The following CNTNAP2 variants were observed in gnomAD, a reference collection of about 807,000 sequenced individuals.
CNTNAP2 encodes contactin associated protein 2.
In CNTNAP2, 98 loss-of-function variants were observed where a neutral mutation model predicts 155.2. The observed-to-expected ratio is 0.63, with a 90% CI of 0.54 to 0.75. The LOEUF (loss-of-function observed/expected upper bound fraction) is 0.75, where lower values mean the gene tolerates loss of function less well. Among genes scored for constraint, CNTNAP2 ranks in the 30% least tolerant of loss-of-function variants. The probability of loss-of-function intolerance (pLI) is 0.00; values close to 1 mark genes in which losing one functional copy is unlikely to be tolerated. For missense variants in CNTNAP2, 1,727 were observed against 1,688.1 expected, an observed-to-expected ratio of 1.02 and a Z score of -0.40; for synonymous variants, 651 against 631.2, an observed-to-expected ratio of 1.03 and a Z score of -0.47.
intron 1 of CNTNAP2, among the ~76,000 whole-genome samples, chr7:146,449,189 C>G (rs1199224284): frequency 6.6e-6 from 1 of 151,792 alleles, no homozygotes. Flanking sequence ...TTCTTTATAT[C>G]TTCTATTTCT....
chr7:147,154,828 T>TATAG (rs142590069), intron 8 of CNTNAP2, among the ~76,000 whole-genome samples: 2,422 of 152,144 alleles, frequency 0.016, 24 homozygotes, highest in South Asian at 0.041. Flanking sequence ...ATTTCTCTGA[T>TATAG]ATAGTTTCTG....
intron 3 of CNTNAP2, among the ~76,000 whole-genome samples, chr7:146,881,755 A>AC (rs1554404228): frequency 8.1e-6 from 1 of 123,718 alleles, no homozygotes; most frequent in African/African-American, 3.1e-5. Flanking sequence ...GATCCCTATA[A>AC]TTTTTTTTTT....
chr7:146,514,570 T>G (rs1319433770), intron 1 of CNTNAP2, among the ~76,000 whole-genome samples: 4 of 152,092 alleles, frequency 2.6e-5, no homozygotes, highest in Non-Finnish European at 1.5e-5. Flanking sequence ...TTCTGTTTGA[T>G]ATTTTTAATG....
chr7:146,596,190 T>G, intron 1 of CNTNAP2, among the ~76,000 whole-genome samples: 1 of 151,998 alleles, frequency 6.6e-6, no homozygotes. Flanking sequence ...AGATTTTCAG[T>G]CACTGTTACA....
In CNTNAP2 at chr7:146,794,952, C is replaced by T. The variant is rs1252156394; in HGVS notation, c.208+20571C>T. 2.6e-5 allele frequency among the ~76,000 whole-genome samples: 4 copies of T among 152,278 alleles called. No homozygotes were observed. In the South Asian group the frequency reaches 8.3e-4, roughly 32 times the overall value. ...ATTCATCAAGTTCTGCTCTAAAATG[C>T]AGCATCTCTGAATATGACCTGCAGC... is the stretch of plus-strand genomic sequence containing the variant. On this transcript the variant is annotated intron_variant, in intron 2 of 23. Coordinates refer to ENST00000361727, the MANE Select transcript of CNTNAP2 (RefSeq NM_014141.6).
intron 1 of CNTNAP2, among the ~76,000 whole-genome samples, chr7:146,690,942 C>A (rs951697072): frequency 1.3e-5 from 2 of 152,070 alleles, no homozygotes; most frequent in Non-Finnish European, 2.9e-5. Context: ...GGAACAGTTC[C>A]TAAAGTGAAT....
chr7:147,634,583 C>A (rs1795146312), intron 12 of CNTNAP2, among the ~76,000 whole-genome samples: 3 of 151,554 alleles, frequency 2.0e-5, no homozygotes, highest in Non-Finnish European at 2.9e-5. Flanking sequence ...CTGTACCCCC[C>A]AAAATACTGA....
At chr7:147,758,510 C>T (rs536159980) in intron 13 of CNTNAP2, among the ~76,000 whole-genome samples, 1 of 152,160 alleles carries the variant, frequency 6.6e-6, no homozygotes, top group South Asian at 2.1e-4. Flanking sequence ...GGAGAGGTGA[C>T]GTAGTAAGGA....
In CNTNAP2 at chr7:146,151,668, ATATATATATATATG is replaced by A. The variant is rs1365022139; in HGVS notation, c.97+34709_97+34722del. Among the ~76,000 whole-genome samples, 102 of 47,646 alleles carry A rather than the reference ATATATATATATATG, an allele frequency of 2.1e-3. 3 individuals carry two copies. In the South Asian group the frequency reaches 0.035, roughly 16 times the overall value. The allele number at this position is 47,646 out of a possible 152,430, so 31.3% of individuals were successfully genotyped here. ...TATATATATATATATATATATATAT[ATATATATATATATG>A]TATATATATATATATGTATATATAT... On this transcript the variant is annotated intron_variant, in intron 1 of 23. Transcript: ENST00000361727.
intron 11 of CNTNAP2, among the ~76,000 whole-genome samples, chr7:147,492,535 T>C (rs1020909255): frequency 3.9e-5 from 6 of 152,214 alleles, no homozygotes; most frequent in Non-Finnish European, 8.8e-5. Context: ...TAATATTATA[T>C]GTGTATCCTT....
intron 10 of CNTNAP2, among the ~76,000 whole-genome samples, chr7:147,435,727 C>G (rs7805786): frequency 0.24 from 35,924 of 152,176 alleles, 5,181 homozygotes; most frequent in African/African-American, 0.41. Flanking sequence ...CAAATCCAAG[C>G]TCTGCCATTT....
chr7:147,657,786 T>A (rs1009451870), intron 13 of CNTNAP2, among the ~76,000 whole-genome samples: 3 of 152,206 alleles, frequency 2.0e-5, no homozygotes, highest in African/African-American at 7.2e-5. Context: ...TTCACTTGTA[T>A]TAGAAAGGAT....
At chr7:146,899,162 C>T (rs940239907) in intron 3 of CNTNAP2, among the ~76,000 whole-genome samples, 29 of 152,142 alleles carry the variant, frequency 1.9e-4, no homozygotes, top group Non-Finnish European at 7.4e-5. Context: ...CATAGATCCA[C>T]TATCTGCTTT....
chr7:148,283,308 G>GAAAAGAAAGA (rs1563024795), intron 21 of CNTNAP2, among the ~76,000 whole-genome samples: 1 of 62,252 alleles, frequency 1.6e-5, no homozygotes, highest in Non-Finnish European at 2.9e-5. Context: ...AGAAAGAAAG[G>GAAAAGAAAGA]AAGGAAGGAA....
intron 9 of CNTNAP2, among the ~76,000 whole-genome samples, chr7:147,330,147 C>T (rs1223114918): frequency 2.0e-5 from 3 of 152,072 alleles, no homozygotes; most frequent in Admixed American, 1.3e-4. Flanking sequence ...TTTTACCCCA[C>T]CTACCAACCT....
Position 146,636,392 on chromosome 7 carries a change from T to C in CNTNAP2, c.98-137879T>C, listed in dbSNP as rs537241312. On this transcript the variant is annotated intron_variant, in intron 1 of 23. Transcript: ENST00000361727. ...ATTCAGATAAACATACACACACATA[T>C]GAAATTCAGGAGGTGTTACTAGAAA... Among the ~76,000 whole-genome samples, 6 of 151,256 alleles carry C rather than the reference T, an allele frequency of 4.0e-5. No individual in the cohort carries two copies. In the South Asian group the frequency reaches 8.3e-4, roughly 21 times the overall value.
intron 1 of CNTNAP2, among the ~76,000 whole-genome samples, chr7:146,731,787 G>T (rs1296682993): frequency 2.0e-5 from 3 of 152,130 alleles, no homozygotes; most frequent in Non-Finnish European, 2.9e-5. Context: ...CATAGGTTTT[G>T]TTCTGCACAC....
chr7:147,985,125 A>C (rs1470758899), intron 15 of CNTNAP2, among the ~76,000 whole-genome samples: 1 of 147,942 alleles, frequency 6.8e-6, no homozygotes, highest in Non-Finnish European at 1.5e-5. Context: ...AAAATAAATA[A>C]ATAAATAAAT....
chr7:146,572,997 G>T (rs1256551625), intron 1 of CNTNAP2, among the ~76,000 whole-genome samples: 1 of 151,570 alleles, frequency 6.6e-6, no homozygotes, highest in Non-Finnish European at 1.5e-5. Context: ...AATGATGGAG[G>T]AGCACCCAAC....
Sources: gnomAD v4.1 joint callset for allele counts (sites outside exome capture counted in the v4.1 genomes callset) on GRCh38, gnomAD v4.1.1 for gene constraint, MANE v1.5 for transcripts, NCBI Gene and HGNC (gene_info 2026-07-23, HGNC 2026-07-21) for gene names.